TSPAN19: variants seen among roughly 807,000 people sequenced by gnomAD.
TSPAN19 encodes tetraspanin 19, also known as tetraspanin-19.
In TSPAN19, 44 loss-of-function variants were observed where a neutral mutation model predicts 35.1. That is an observed-to-expected ratio of 1.25 (90% confidence interval 0.98 to 1.61). TSPAN19 has a LOEUF of 1.61. Among genes scored for constraint, TSPAN19 ranks in the 40% most tolerant of loss-of-function variants. The probability of loss-of-function intolerance (pLI) is 0.00; values close to 1 mark genes in which losing one functional copy is unlikely to be tolerated. For missense variants in TSPAN19, 290 were observed against 280.0 expected (o/e 1.04, Z -0.26); for synonymous variants, 79 against 92.0 (o/e 0.86, Z 0.81).
At chr12:85,032,358 A>G (rs904371489) in intron 1 of TSPAN19, among the ~76,000 whole-genome samples, 11 of 152,108 alleles carry the variant, frequency 7.2e-5, no homozygotes, top group Admixed American at 7.2e-4. Context: ...GAATTTTTAA[A>G]GCTGACTTTT....
chr12:85,025,938 G>A (rs1877388780), intron 4 of TSPAN19, among the ~76,000 whole-genome samples: 2 of 152,198 alleles, frequency 1.3e-5, no homozygotes, highest in African/African-American at 4.8e-5. Flanking sequence ...ATTCAGAGGA[G>A]AATAGCAAAA....
intron 1 of TSPAN19, among the ~76,000 whole-genome samples, chr12:85,035,749 TA>T (rs1198957742): frequency 1.3e-5 from 2 of 152,234 alleles, no homozygotes; most frequent in East Asian, 3.9e-4. Context: ...TAAATTAAGT[TA>T]AAATTAAATA....
intron 1 of TSPAN19, among the ~76,000 whole-genome samples, chr12:85,033,951 T>C (rs1877796382): frequency 6.6e-6 from 1 of 152,116 alleles, no homozygotes. Context: ...TATCTCAGTA[T>C]AGAAATATTA....
chr12:85,030,093 C>A, intron 1 of TSPAN19, 120 bp from the exon 2 acceptor site: 1 of 776,936 alleles, frequency 1.3e-6, no homozygotes, highest in Non-Finnish European at 1.8e-6. Context: ...TAACATACTT[C>A]CATCTCTAAA....
In TSPAN19 at chr12:85,027,938, A is replaced by G. The variant is rs1168812839; in HGVS notation, c.225T>C (p.Tyr75=). 3 of 1,596,540 alleles carry G rather than the reference A, an allele frequency of 1.9e-6. No homozygotes were observed. ...SSTVLFCLLG[Y]IGIHNEIRWL... Reference sequence around the variant, plus strand: ...ATCTGATTTCGTTGTGAATTCCTATATAACCCAATAGACAAAAAAGAACAG... The same window carrying G: ...ATCTGATTTCGTTGTGAATTCCTATGTAACCCAATAGACAAAAAAGAACAG... Residue 75 remains tyrosine, a synonymous_variant, in exon 4 of 9, where the codon TAT becomes TAC. Coordinates refer to ENST00000532498, the MANE Select transcript of TSPAN19 (RefSeq NM_001100917.2).
Position 85,018,988 on chromosome 12 carries a change from G to A in TSPAN19, c.450+638C>T, listed in dbSNP as rs927646627. ...ATCTATTTCTGTAAACCATTTAGCCGACAATACCCTTCTCTTACCCTTCCA... is the reference window on the plus strand; with the variant it reads ...ATCTATTTCTGTAAACCATTTAGCCAACAATACCCTTCTCTTACCCTTCCA... On this transcript the variant is annotated intron_variant, in intron 6 of 8. Coordinates refer to ENST00000532498, the MANE Select transcript of TSPAN19 (RefSeq NM_001100917.2). Among the ~76,000 whole-genome samples the A allele has an allele frequency of 1.9e-4, 29 of 151,654 alleles. 1 individual carries two copies. The highest frequency in any genetic ancestry group is 2.7e-4 in the African/African-American group (11 of 41,324).
chr12:85,034,496 C>T (rs569548494), intron 1 of TSPAN19, among the ~76,000 whole-genome samples: 2 of 152,180 alleles, frequency 1.3e-5, no homozygotes, highest in South Asian at 4.2e-4. Flanking sequence ...TATAAATCAA[C>T]CACACCTACA....
chr12:85,019,297 A>G (rs1876987434), intron 6 of TSPAN19, among the ~76,000 whole-genome samples: 1 of 152,030 alleles, frequency 6.6e-6, no homozygotes, highest in Admixed American at 6.6e-5. Flanking sequence ...GGTAACCACA[A>G]TGCTGCCAGC....
chr12:85,028,628 G>A (rs1412802221), intron 3 of TSPAN19, among the ~76,000 whole-genome samples: 1 of 152,124 alleles, frequency 6.6e-6, no homozygotes, highest in Non-Finnish European at 1.5e-5. Flanking sequence ...TAAACATGTG[G>A]GAGGTGTTAT....
chr12:85,022,930 A>G lies in TSPAN19; in HGVS notation c.339+396T>C, dbSNP rs1190273748. ...TATGTCTTGTTTAAGTGAAATTGCT[A>G]AATTTCAAATTAGTTAGAGTCTAAA... is the stretch of plus-strand genomic sequence containing the variant. On this transcript the variant is annotated intron_variant, in intron 5 of 8. Coordinates refer to ENST00000532498, the MANE Select transcript of TSPAN19 (RefSeq NM_001100917.2). Among the ~76,000 whole-genome samples the G allele has an allele frequency of 3.9e-5, 6 of 152,246 alleles. No individual in the cohort carries two copies. The East Asian group carries it at 1.2e-3, about 29-fold the overall frequency.
chr12:85,020,304 T>G (rs1347427838), intron 5 of TSPAN19, among the ~76,000 whole-genome samples: 2 of 151,958 alleles, frequency 1.3e-5, no homozygotes, highest in Non-Finnish European at 2.9e-5. Flanking sequence ...GTCTATTAAG[T>G]GATGGCCTAT....
At chr12:85,028,169 T>C in intron 3 of TSPAN19, 146 bp from the exon 4 acceptor site, 2 of 596,096 alleles carry the variant, frequency 3.4e-6, no homozygotes, top group South Asian at 5.4e-5. Context: ...TGTCTCTCTC[T>C]GTCTCTCAAT....
intron 1 of TSPAN19, among the ~76,000 whole-genome samples, chr12:85,032,402 T>C (rs1877726951): frequency 1.3e-5 from 2 of 152,132 alleles, no homozygotes; most frequent in Non-Finnish European, 2.9e-5. Flanking sequence ...CATGATCTCA[T>C]GGAAACCAAT....
intron 3 of TSPAN19, 92 bp downstream of exon 3, chr12:85,029,627 G>T: frequency 1.0e-6 from 1 of 1,003,954 alleles, no homozygotes; most frequent in Non-Finnish European, 1.5e-6. Context: ...AAATTACAGA[G>T]AAATACTGCC....
chr12:85,030,398 G>A (rs1444044291), intron 1 of TSPAN19, among the ~76,000 whole-genome samples: 2 of 151,964 alleles, frequency 1.3e-5, no homozygotes, highest in Non-Finnish European at 2.9e-5. Flanking sequence ...CCCTTGGCTG[G>A]AAAGTTTTCC....
rs1219653956 is a variant in TSPAN19, at chr12:85,018,134, C to T, written c.451-535G>A. ...ATAATAAAAATAGTCATAAAATGAT[C>T]CAACTTTTAAGAAATGTCTCATTTG... On this transcript the variant is annotated intron_variant, in intron 6 of 8. Transcript: ENST00000532498. 7.3e-5 allele frequency among the ~76,000 whole-genome samples: 11 copies of T among 151,668 alleles called. No homozygotes were observed. In the Admixed American group the frequency reaches 7.3e-4, roughly 10 times the overall value.
chr12:85,023,205 C>A (rs1288615563), intron 5 of TSPAN19, 121 bp downstream of exon 5: 1 of 803,608 alleles, frequency 1.2e-6, no homozygotes, highest in Non-Finnish European at 2.0e-6. Context: ...ATATTATTTT[C>A]CCCTAAAGAA....
intron 5 of TSPAN19, among the ~76,000 whole-genome samples, chr12:85,022,916 T>A (rs1007143373): frequency 6.6e-6 from 1 of 152,148 alleles, no homozygotes; most frequent in Non-Finnish European, 1.5e-5. Context: ...ATGTCTTGTT[T>A]AAGTGAAATT....
intron 4 of TSPAN19, among the ~76,000 whole-genome samples, chr12:85,025,033 T>C (rs1420031278): frequency 6.6e-6 from 1 of 152,070 alleles, no homozygotes; most frequent in South Asian, 2.1e-4. Flanking sequence ...AAAAATGTAA[T>C]CTTTACATCT....
Sources: allele counts gnomAD v4.1 joint callset (sites outside exome capture counted in the v4.1 genomes callset), GRCh38; gene constraint gnomAD v4.1.1; transcripts MANE v1.5; gene names NCBI Gene and HGNC (gene_info 2026-07-23, HGNC 2026-07-21).